SPEF2: variants seen among roughly 807,000 people sequenced by gnomAD.
SPEF2 encodes the protein sperm flagellar and cilia associated 2, also known as sperm flagella and cilia-associated protein 2.
Under a neutral mutation model 224.6 loss-of-function variants are expected in SPEF2, and 187 were observed. The observed-to-expected ratio is 0.83, with a 90% CI of 0.74 to 0.94. SPEF2 has a LOEUF of 0.94. Among genes scored for constraint, SPEF2 ranks in the 40% least tolerant of loss-of-function variants. The pLI is 0.00. For synonymous variants in SPEF2, 715 were observed against 707.3 expected, an observed-to-expected ratio of 1.01 and a Z score of -0.17; for missense variants, 2,170 against 2,135.6, an observed-to-expected ratio of 1.02 and a Z score of -0.32.
intron 36 of SPEF2, among the ~76,000 whole-genome samples, chr5:35,810,268 G>C (rs889269499): frequency 3.3e-5 from 5 of 152,126 alleles, no homozygotes; most frequent in African/African-American, 7.2e-5. Flanking sequence ...CTGGAGTGCA[G>C]TGGCATGATC....
intron 20 of SPEF2, among the ~76,000 whole-genome samples, chr5:35,717,935 A>G (rs1742912177): frequency 6.6e-6 from 1 of 152,228 alleles, no homozygotes; most frequent in African/African-American, 2.4e-5. Flanking sequence ...AATGGCAGTC[A>G]GAGCTCCCTC....
chr5:35,733,185 G>A (rs181898415), intron 21 of SPEF2, among the ~76,000 whole-genome samples: 5,618 of 151,858 alleles, frequency 0.037, 295 homozygotes, highest in African/African-American at 0.11. Context: ...CATGATCTTG[G>A]CTCACTGCAA....
chr5:35,676,722 C>CT (rs1752077897), intron 10 of SPEF2, among the ~76,000 whole-genome samples: 1 of 151,418 alleles, frequency 6.6e-6, no homozygotes, highest in Admixed American at 6.6e-5. Flanking sequence ...GAGTGAGACT[C>CT]TGACTCAAAA....
In SPEF2 at chr5:35,691,568, G is replaced by T. The variant is rs146488046; in HGVS notation, c.1744+312G>T. Among the ~76,000 whole-genome samples the T allele has an allele frequency of 3.5e-3, 533 of 152,310 alleles. 3 individuals are homozygous for T. Among genetic ancestry groups the T allele is most frequent in the Admixed American group, 5.0e-3 (77 of 15,302 alleles). On this transcript the variant is annotated intron_variant, in intron 11 of 36. Transcript: ENST00000356031. ...CAAAATAGGCAAATCCATAGAGAAA[G>T]AAGTGGAATTATTGGATGCCAGAGT...
At chr5:35,622,726 C>A (rs1174798627) in intron 1 of SPEF2, among the ~76,000 whole-genome samples, 1 of 152,036 alleles carries the variant, frequency 6.6e-6, no homozygotes, top group Non-Finnish European at 1.5e-5. Context: ...AGCCTCGCAG[C>A]GTTTTTCTTG....
chr5:35,650,361 G>A (rs1290071200), intron 6 of SPEF2, among the ~76,000 whole-genome samples: 2 of 152,080 alleles, frequency 1.3e-5, no homozygotes, highest in Admixed American at 6.5e-5. Context: ...TGTTGATCCT[G>A]ACCTGTAAAA....
At chr5:35,665,557 C>T (rs181050198) in intron 8 of SPEF2, among the ~76,000 whole-genome samples, 78 of 152,160 alleles carry the variant, frequency 5.1e-4, no homozygotes, top group Non-Finnish European at 9.6e-4. Context: ...TTCTACTATT[C>T]CCTTAAAGGT....
intron 9 of SPEF2, 48 bp from the exon 10 acceptor site, chr5:35,670,011 A>G (rs1240358651): frequency 1.4e-6 from 2 of 1,407,768 alleles, no homozygotes; most frequent in South Asian, 1.3e-5. Context: ...TTTAAAATCT[A>G]TATTTGACTA....
Position 35,714,425 on chromosome 5 carries a change from C to A in SPEF2, c.2914+1539C>A, listed in dbSNP as rs116310338. Among the ~76,000 whole-genome samples, 920 of 151,684 alleles carry A rather than the reference C, an allele frequency of 6.1e-3. 14 individuals carry two copies. Among genetic ancestry groups the A allele is most frequent in the African/African-American group, 0.021 (885 of 41,410 alleles). ...AAAGCCTATTTATGAGGGGTGGTGT[C>A]CCTTTTACGGTATTTGGATATGTAC... On this transcript the variant is annotated intron_variant, in intron 20 of 36. Transcript: ENST00000356031.
Position 35,641,571 on chromosome 5 carries a change from A to G in SPEF2, c.302A>G (p.Tyr101Cys). 3 of 1,613,840 alleles carry G rather than the reference A, an allele frequency of 1.9e-6. No homozygotes were observed. The highest frequency in any genetic ancestry group is 2.5e-6 in the Non-Finnish European group (3 of 1,179,832). The change falls in exon 3 of 37, where the codon TAC becomes TGC. Residue 101 changes from tyrosine to cysteine, a missense_variant. Coordinates refer to ENST00000356031, the MANE Select transcript of SPEF2 (RefSeq NM_024867.4). The stretch of plus-strand genomic sequence containing the variant: ...GCAACAAAGCTGTTATATCAATTGT[A>G]CATTGCTCTTCAGAAAAAGAAGAAA... Reference protein sequence around the residue: ...GVATKLLYQLYIALQKKKKSG... With the variant: ...GVATKLLYQLCIALQKKKKSG...
At position 35,814,518 on chromosome 5, in the gene SPEF2, A is replaced by C. The variant is rs768580531; in HGVS notation, c.5434A>C (p.Arg1812=). ...SEHVQGSDGE[R]SPSRHTEEKK ...ACATGTACAAGGAAGTGATGGAGAG[A>C]GATCACCTTCAAGACATACAGAGGA... Residue 1812 remains arginine, a synonymous_variant, in exon 37 of 37, where the codon AGA becomes CGA. Transcript: ENST00000356031. 56 of 1,609,590 alleles carry C rather than the reference A, an allele frequency of 3.5e-5. No homozygotes were observed. The highest frequency in any genetic ancestry group is 4.6e-5 in the Non-Finnish European group (54 of 1,177,324).
At chr5:35,697,815 C>T (rs954200419) in intron 15 of SPEF2, 22 bp downstream of exon 15, 2 of 1,524,662 alleles carry the variant, frequency 1.3e-6, no homozygotes, top group African/African-American at 2.7e-5. Flanking sequence ...ATTTTTCTTC[C>T]TCTCATCTAT....
chr5:35,659,294 C>T (rs1749384818), intron 8 of SPEF2, 87 bp downstream of exon 8: 1 of 1,281,832 alleles, frequency 7.8e-7, no homozygotes, highest in Non-Finnish European at 1.1e-6. Flanking sequence ...TATTTTGTTG[C>T]CAATCATCTA....
At chr5:35,674,646 C>T (rs1480908156) in intron 10 of SPEF2, among the ~76,000 whole-genome samples, 1 of 150,236 alleles carries the variant, frequency 6.7e-6, no homozygotes, top group Non-Finnish European at 1.5e-5. Flanking sequence ...TTTATCCTTG[C>T]GATAGTTTGC....
chr5:35,707,567 T>C (rs1740038091), intron 18 of SPEF2, among the ~76,000 whole-genome samples: 1 of 152,076 alleles, frequency 6.6e-6, no homozygotes, highest in South Asian at 2.1e-4. Flanking sequence ...ACATAGGCAA[T>C]CGTCGCCAGT....
rs113542093 is a variant in SPEF2, at chr5:35,740,428, G to A, written c.3330+161G>A. On this transcript the variant is annotated intron_variant, in intron 23 of 36. Transcript: ENST00000356031. ...AACTTTCAAGAGCAGTGGCTTTTCC[G>A]CACTTTGAGTTTAGAATGAGAATAC... Among the ~76,000 whole-genome samples the A allele has an allele frequency of 6.6e-4, 100 of 152,228 alleles. 1 individual carries two copies. The highest frequency in any genetic ancestry group is 2.3e-3 in the South Asian group (11 of 4,812).
intron 20 of SPEF2, among the ~76,000 whole-genome samples, chr5:35,722,882 G>T (rs1743992550): frequency 6.6e-6 from 1 of 151,920 alleles, no homozygotes; most frequent in African/African-American, 2.4e-5. Context: ...TGCTTCTCAA[G>T]TCCCATGTTG....
At chr5:35,744,042 T>C (rs573761589) in intron 23 of SPEF2, among the ~76,000 whole-genome samples, 1 of 152,352 alleles carries the variant, frequency 6.6e-6, no homozygotes, top group South Asian at 2.1e-4. Flanking sequence ...GTGCTTTTTG[T>C]CTTAAATTTG....
chr5:35,808,031 A>G (rs1758283605), intron 36 of SPEF2: 1 of 1,164,814 alleles, frequency 8.6e-7, no homozygotes, highest in East Asian at 4.3e-5. Context: ...AAGCGCTTTC[A>G]CTTTGATAGA....
Sources: allele counts gnomAD v4.1 joint callset (sites outside exome capture counted in the v4.1 genomes callset), GRCh38; gene constraint gnomAD v4.1.1; transcripts MANE v1.5; gene names NCBI Gene and HGNC (gene_info 2026-07-23, HGNC 2026-07-21).